Variants in ZNF618 observed in about 807,000 individuals in gnomAD.
ZNF618 encodes the protein neural precursor cell expressed, developmentally down-regulated 10.
ZNF618 carries 34 observed loss-of-function variants against 103.0 expected under a neutral mutation model. The observed-to-expected ratio is 0.33, with a 90% confidence interval of 0.25 to 0.44. The LOEUF is 0.44. Ranked by LOEUF, ZNF618 falls within the 20% of genes least tolerant of loss-of-function variation. ZNF618 has a pLI of 1.00. For synonymous variants in ZNF618, 551 were observed against 542.2 expected (o/e 1.02, Z -0.23); for missense variants, 1,059 against 1,295.4 (o/e 0.82, Z 2.80).
At chr9:113,882,792 T>C (rs1179624547) in intron 1 of ZNF618, among the ~76,000 whole-genome samples, 1 of 152,130 alleles carries the variant, frequency 6.6e-6, no homozygotes, top group African/African-American at 2.4e-5. Flanking sequence ...GCTGGGGCCC[T>C]TGCCTCTGGT....
chr9:113,975,805 A>C, intron 2 of ZNF618, among the ~76,000 whole-genome samples: 1 of 152,292 alleles, frequency 6.6e-6, no homozygotes, highest in African/African-American at 2.4e-5. Context: ...TTATTTGAGA[A>C]CGGGGTATGT....
At chr9:113,933,952 GATC>G (rs908957789) in intron 1 of ZNF618, among the ~76,000 whole-genome samples, 1 of 152,030 alleles carries the variant, frequency 6.6e-6, no homozygotes, top group Non-Finnish European at 1.5e-5. Context: ...TTGAAATTGA[GATC>G]ATGGCATGGT....
rs555958290 is a variant in ZNF618, at chr9:114,005,935, C to T, written c.551-1415C>T. On this transcript the variant is annotated intron_variant, in intron 6 of 14. Coordinates refer to ENST00000374126, the MANE Select transcript of ZNF618 (RefSeq NM_001318042.2). The stretch of plus-strand genomic sequence containing the variant: ...TCTCCTGCCCCACACCTTGCCACCT[C>T]TTTCTTGGATGATTCTGGTATCCAG... Among the ~76,000 whole-genome samples the T allele has an allele frequency of 5.3e-5, 8 of 152,344 alleles. No homozygotes were observed. The East Asian group carries it at 1.5e-3, about 29-fold the overall frequency.
At chr9:113,922,388 T>C (rs1172144511) in intron 1 of ZNF618, among the ~76,000 whole-genome samples, 1 of 151,960 alleles carries the variant, frequency 6.6e-6, no homozygotes, top group African/African-American at 2.4e-5. Context: ...GGCCAATACC[T>C]TCTATCCAAA....
intron 1 of ZNF618, among the ~76,000 whole-genome samples, chr9:113,902,527 TTTTG>T (rs2131283510): frequency 6.6e-6 from 1 of 152,364 alleles, no homozygotes; most frequent in South Asian, 2.1e-4. Flanking sequence ...ACATGCATCT[TTTTG>T]TTTATGTGTT....
At position 114,049,465 on chromosome 9, in the gene ZNF618, G is replaced by A. The variant is rs779593933; in HGVS notation, c.2163G>A (p.Met721Ile). 2.0e-5 allele frequency: 32 copies of A among 1,611,286 alleles called. No individual in the cohort carries two copies. The highest frequency in any genetic ancestry group is 3.3e-4 in the Middle Eastern group (2 of 6,060). Reference sequence around the variant, plus strand: ...AGTTCTACAGCCGGGCCAAGAAGATGAACCTCATCCAGAGCCTCAACAAGC... The same window carrying A: ...AGTTCTACAGCCGGGCCAAGAAGATAAACCTCATCCAGAGCCTCAACAAGC... The part of the protein sequence containing the change: ...ICEFYSRAKK[M>I]NLIQSLNKHL... The change falls in exon 15 of 15, where the codon ATG (methionine) becomes ATA (isoleucine). Residue 721 changes from methionine to isoleucine, a missense_variant. Around this residue, in one of 6 missense-constraint regions of ZNF618, gnomAD observed 272 missense variants for 380.1 expected, o/e 0.72. Transcript: ENST00000374126.
chr9:114,014,581 G>A (rs1421671454), intron 9 of ZNF618, among the ~76,000 whole-genome samples: 1 of 152,216 alleles, frequency 6.6e-6, no homozygotes, highest in African/African-American at 2.4e-5. Context: ...ATGACAGTAC[G>A]AGAAAATATA....
chr9:114,032,627 C>G lies in ZNF618; in HGVS notation c.1085-18C>G, dbSNP rs1844187470. On this transcript the variant is annotated intron_variant, in intron 11 of 14. Transcript: ENST00000374126. ...CCAATCACCATTGTTTTCTTTCTCTCTCCTGTCCCCCACCCAGCAGAAAGC... is the reference window on the plus strand; with the variant it reads ...CCAATCACCATTGTTTTCTTTCTCTGTCCTGTCCCCCACCCAGCAGAAAGC... The G allele has an allele frequency of 6.2e-7, 1 of 1,613,120 alleles. No individual in the cohort carries two copies. Among genetic ancestry groups the G allele is most frequent in the South Asian group, 1.1e-5 (1 of 91,060 alleles).
In ZNF618 at chr9:113,914,119, C is replaced by T. The variant is rs1490542265; in HGVS notation, c.33+37706C>T. Reference sequence around the variant, plus strand: ...CATGCTGCTGGCTAATATAAGGAGACATGAACACTGAGTTATTACCCCAGG... The same window carrying T: ...CATGCTGCTGGCTAATATAAGGAGATATGAACACTGAGTTATTACCCCAGG... On this transcript the variant is annotated intron_variant, in intron 1 of 14. Transcript: ENST00000374126. Among the ~76,000 whole-genome samples the T allele has an allele frequency of 2.6e-5, 4 of 152,252 alleles. No homozygotes were observed. The East Asian group carries it at 7.7e-4, about 29-fold the overall frequency.
In ZNF618 at chr9:114,041,209, TTGTAGATTCTG is replaced by T. The variant is rs201029038; in HGVS notation, c.1246+4833_1246+4843del. ...TTTCTTGTAAGTTTGTTTGAGTTCT[TTGTAGATTCTG>T]GATATTAGCCCTTCGTCAGATGAGT... On this transcript the variant is annotated intron_variant, in intron 13 of 14. Coordinates refer to ENST00000374126, the MANE Select transcript of ZNF618 (RefSeq NM_001318042.2). 4.7e-3 allele frequency among the ~76,000 whole-genome samples: 714 copies of T among 152,334 alleles called. 11 individuals are homozygous for T. The East Asian group carries it at 0.049, about 10-fold the overall frequency.
chr9:113,897,209 C>T lies in ZNF618; in HGVS notation c.33+20796C>T, dbSNP rs1002881475. 5.3e-5 allele frequency among the ~76,000 whole-genome samples: 8 copies of T among 152,144 alleles called. No homozygotes were observed. The South Asian group carries it at 1.7e-3, about 32-fold the overall frequency. ...TAATTACAGTTTTTCCCCCTATGTA[C>T]TAGTACAACTAAGAAGATGTTTTTG... On this transcript the variant is annotated intron_variant, in intron 1 of 14. Transcript: ENST00000374126.
chr9:114,005,265 C>G (rs772899860), intron 6 of ZNF618, among the ~76,000 whole-genome samples: 2 of 152,214 alleles, frequency 1.3e-5, no homozygotes, highest in Non-Finnish European at 2.9e-5. Flanking sequence ...AGACACCGAG[C>G]TCTCGTGTCT....
chr9:113,973,370 C>T (rs1214140343), intron 2 of ZNF618, among the ~76,000 whole-genome samples: 3 of 152,166 alleles, frequency 2.0e-5, no homozygotes, highest in Non-Finnish European at 4.4e-5. Context: ...CATCCCAGCG[C>T]CTTCCTCTTG....
rs571360090 is a variant in ZNF618 at position 114,015,986 on chromosome 9, G to A, written c.755-709G>A. ...CCCAGATGAGACAGAATGAAGAGTG[G>A]GGACCAGGGCACCCTCCCCCAAGGG... On this transcript the variant is annotated intron_variant, in intron 9 of 14. Transcript: ENST00000374126. The A allele has an allele frequency of 2.6e-4, 209 of 793,114 alleles. No homozygotes were observed. The Middle Eastern group carries it at 7.6e-3, about 29-fold the overall frequency. The allele number at this position is 793,114 out of a possible 1,614,324, so 49.1% of individuals were successfully genotyped here.
At chr9:113,954,912 C>G (rs995925230) in intron 1 of ZNF618, among the ~76,000 whole-genome samples, 1 of 152,162 alleles carries the variant, frequency 6.6e-6, no homozygotes, top group Non-Finnish European at 1.5e-5. Flanking sequence ...GGTCCACTCC[C>G]AGTGGGCAGC....
chr9:114,047,451 C>T (rs1029410883), intron 13 of ZNF618, among the ~76,000 whole-genome samples: 6 of 152,288 alleles, frequency 3.9e-5, no homozygotes, highest in East Asian at 1.9e-4. Flanking sequence ...GCAAACTTTG[C>T]GAAAGTGAGA....
intron 6 of ZNF618, among the ~76,000 whole-genome samples, chr9:114,002,990 A>G (rs1356848952): frequency 6.6e-6 from 1 of 152,238 alleles, no homozygotes; most frequent in East Asian, 1.9e-4. Context: ...CCAGCCCTTC[A>G]TTGACAGACA....
intron 1 of ZNF618, among the ~76,000 whole-genome samples, chr9:113,892,347 G>A (rs1186016348): frequency 6.6e-6 from 1 of 152,088 alleles, no homozygotes; most frequent in Non-Finnish European, 1.5e-5. Context: ...TGTGAGTTCT[G>A]TATATTTAGG....
At chr9:113,951,571 G>A (rs533060446) in intron 1 of ZNF618, among the ~76,000 whole-genome samples, 1,035 of 23,866 alleles carry the variant, frequency 0.043, 115 homozygotes, top group African/African-American at 0.079. Flanking sequence ...ATATGTGTGT[G>A]TGTATATGTG....
Sources: allele counts gnomAD v4.1 joint callset (sites outside exome capture counted in the v4.1 genomes callset), GRCh38; gene constraint gnomAD v4.1.1; regional missense constraint gnomAD v4.1.1; transcripts MANE v1.5; gene names NCBI Gene and HGNC (gene_info 2026-07-23, HGNC 2026-07-21).